DYNLL1: variants seen among roughly 807,000 people sequenced by gnomAD.
DYNLL1 encodes dynein light chain 1, cytoplasmic.
DYNLL1 carries 3 observed loss-of-function variants against 10.1 expected under a neutral mutation model. That is an observed-to-expected ratio of 0.30 (90% CI 0.14 to 0.77). The LOEUF (loss-of-function observed/expected upper bound fraction) is 0.77. DYNLL1 is among the 30% of genes least tolerant of loss of function. DYNLL1 has a pLI of 0.66. For synonymous variants in DYNLL1, 46 were observed against 41.2 expected (o/e 1.12, Z -0.45); for missense variants, 47 against 111.7 (o/e 0.42, Z 2.61).
chr12:120,479,449 C>CAAAAAAAAA (rs71076617), intron 1 of DYNLL1, among the ~76,000 whole-genome samples: 19 of 76,106 alleles, frequency 2.5e-4, no homozygotes, highest in African/African-American at 8.5e-4. Context: ...ACTCCGTCTC[C>CAAAAAAAAA]AAAAAAAAAA....
intron 1 of DYNLL1, among the ~76,000 whole-genome samples, chr12:120,475,785 C>A (rs1026676189): frequency 2.6e-5 from 4 of 152,130 alleles, no homozygotes; most frequent in Non-Finnish European, 4.4e-5. Flanking sequence ...CCCATTCCCC[C>A]AAAAAAGGCC....
chr12:120,473,333 A>G (rs1450711268), intron 1 of DYNLL1, among the ~76,000 whole-genome samples: 1 of 151,958 alleles, frequency 6.6e-6, no homozygotes, highest in Admixed American at 6.6e-5. Flanking sequence ...CTGAGGCAGG[A>G]GGATGGCTTG....
At chr12:120,492,506 G>A (rs947320488), upstream of DYNLL1, among the ~76,000 whole-genome samples, 1 of 152,182 alleles carries the variant, frequency 6.6e-6, no homozygotes, top group Non-Finnish European at 1.5e-5. This position sits in a 1 kb window ranked among gnomAD's most constrained non-coding sequence, Gnocchi z 4.1. Context: ...GGGTGAAGTT[G>A]CAGTGAGCTG....
intron 1 of DYNLL1, among the ~76,000 whole-genome samples, chr12:120,471,559 G>T (rs1878651578): frequency 6.6e-6 from 1 of 152,082 alleles, no homozygotes; most frequent in South Asian, 2.1e-4. Flanking sequence ...GTATACATCA[G>T]GCTTTCATAA....
chr12:120,469,981 C>T (rs557535205), exon 1 of DYNLL1: 283 of 164,100 alleles, frequency 1.7e-3, no homozygotes, highest in Non-Finnish European at 3.0e-3. Context: ...GCCTACCTCA[C>T]AGACTTGTGA....
chr12:120,482,351 C>CG (rs1878900080), intron 1 of DYNLL1, among the ~76,000 whole-genome samples: 1 of 150,056 alleles, frequency 6.7e-6, no homozygotes, highest in South Asian at 2.1e-4. Context: ...GAGATGGAGT[C>CG]GCGCTCTATC....
chr12:120,481,910 A>G (rs1418711135), intron 1 of DYNLL1, among the ~76,000 whole-genome samples: 1 of 152,188 alleles, frequency 6.6e-6, no homozygotes, highest in East Asian at 1.9e-4. Context: ...GTGCAGTGGC[A>G]TGATGCTAGC....
At chr12:120,497,233 T>TA (rs1344242292) in intron 2 of DYNLL1, 6 of 153,636 alleles carry the variant, frequency 3.9e-5, no homozygotes, top group African/African-American at 1.4e-4. Context: ...TGCGTGCAGT[T>TA]AGAGTAGCTA....
chr12:120,488,307 A>T (rs1007446294), intron 1 of DYNLL1: 2 of 151,852 alleles, frequency 1.3e-5, no homozygotes, highest in Non-Finnish European at 2.9e-5. Context: ...TCCACCTAAA[A>T]AGCTCCCTGC....
At chr12:120,487,794 G>A (rs1879031914) in intron 1 of DYNLL1, among the ~76,000 whole-genome samples, 1 of 152,138 alleles carries the variant, frequency 6.6e-6, no homozygotes, top group African/African-American at 2.4e-5. Context: ...TCACTATGGC[G>A]CCCAGGTGGC....
chr12:120,480,025 C>T (rs967206219), intron 1 of DYNLL1, among the ~76,000 whole-genome samples: 2 of 152,104 alleles, frequency 1.3e-5, no homozygotes, highest in African/African-American at 2.4e-5. Context: ...GGAGTATGGT[C>T]TCACAGTGTC....
chr12:120,496,104 G>A (rs981099574), upstream of DYNLL1: 3 of 460,136 alleles, frequency 6.5e-6, no homozygotes, highest in Non-Finnish European at 1.2e-5. Context: ...GGCTGGCGTG[G>A]GGCTGCTTAG....
chr12:120,472,225 T>G (rs1365537074), intron 1 of DYNLL1, among the ~76,000 whole-genome samples: 1 of 152,156 alleles, frequency 6.6e-6, no homozygotes, highest in Non-Finnish European at 1.5e-5. Flanking sequence ...TGTGGAGATA[T>G]CTCTTGATGG....
chr12:120,486,047 G>A (rs947126845), intron 1 of DYNLL1, among the ~76,000 whole-genome samples: 8 of 151,974 alleles, frequency 5.3e-5, no homozygotes, highest in Admixed American at 2.6e-4. Context: ...AATAAAAAAC[G>A]GGTGTCAGGA....
chr12:120,475,119 T>C (rs1878726699), intron 1 of DYNLL1, among the ~76,000 whole-genome samples: 1 of 152,128 alleles, frequency 6.6e-6, no homozygotes, highest in African/African-American at 2.4e-5. Context: ...CAGTATATTG[T>C]GAATATAATT....
upstream of DYNLL1, among the ~76,000 whole-genome samples, chr12:120,494,397 C>T (rs777745359): frequency 1.1e-4 from 16 of 151,832 alleles, no homozygotes; most frequent in Non-Finnish European, 2.4e-4. Flanking sequence ...CTGCCTCAGC[C>T]TCCTGAGTAG....
At chr12:120,496,738 G>A (rs1868427145) in intron 2 of DYNLL1, 185 bp downstream of exon 2, 2 of 762,962 alleles carry the variant, frequency 2.6e-6, no homozygotes, top group Non-Finnish European at 1.9e-6. Context: ...CCCGGCGTCC[G>A]AAGTTTTTTT....
At chr12:120,486,380 C>G (rs1878994571) in intron 1 of DYNLL1, among the ~76,000 whole-genome samples, 1 of 152,040 alleles carries the variant, frequency 6.6e-6, no homozygotes, top group Non-Finnish European at 1.5e-5. Context: ...TTGGGGGTAC[C>G]AAGGGTTCTG....
chr12:120,478,638 G>A (rs1424310289), intron 1 of DYNLL1, among the ~76,000 whole-genome samples: 1 of 148,502 alleles, frequency 6.7e-6, no homozygotes, highest in Non-Finnish European at 1.5e-5. Flanking sequence ...GATCACTTGA[G>A]GTCAGGAGTT....
Sources: gnomAD v4.1 joint callset for allele counts (sites outside exome capture counted in the v4.1 genomes callset) on GRCh38, gnomAD v4.1.1 for gene constraint, Gnocchi (gnomAD v3.1) non-coding constraint, MANE v1.5 for transcripts, NCBI Gene and HGNC (gene_info 2026-07-23, HGNC 2026-07-21) for gene names.